The following PTPRR variants were observed in gnomAD, a reference collection of about 807,000 sequenced individuals.
PTPRR encodes the protein receptor-type tyrosine-protein phosphatase R.
Under a neutral mutation model 77.2 loss-of-function variants are expected in PTPRR, and 38 were observed. The observed-to-expected ratio is 0.49, with a 90% CI of 0.38 to 0.65. The LOEUF (loss-of-function observed/expected upper bound fraction) is 0.65. Among genes scored for constraint, PTPRR ranks in the 30% least tolerant of loss-of-function variants. The pLI is 0.00. For missense variants in PTPRR, 744 were observed against 799.2 expected (o/e 0.93, Z 0.83); for synonymous variants, 299 against 283.1 (o/e 1.06, Z -0.57).
chr12:70,765,218 T>A (rs1032056156), intron 2 of PTPRR, among the ~76,000 whole-genome samples: 5 of 152,198 alleles, frequency 3.3e-5, no homozygotes, highest in African/African-American at 1.2e-4. Context: ...ATTGCCTCAC[T>A]CGGGAAGTGC....
chr12:70,656,581 TA>T, intron 13 of PTPRR, 122 bp downstream of exon 13: 1 of 670,248 alleles, frequency 1.5e-6, no homozygotes, highest in Admixed American at 2.5e-5. Flanking sequence ...TTAAGCATTT[TA>T]CAAGCATCTC....
intron 2 of PTPRR, among the ~76,000 whole-genome samples, chr12:70,861,278 C>T (rs889272569): frequency 3.3e-5 from 5 of 152,088 alleles, no homozygotes; most frequent in African/African-American, 4.8e-5. Context: ...TATCTCATAG[C>T]ACAGTCTCTG....
chr12:70,658,090 C>A (rs771030297), intron 12 of PTPRR, among the ~76,000 whole-genome samples: 4 of 152,180 alleles, frequency 2.6e-5, no homozygotes, highest in Non-Finnish European at 5.9e-5. Context: ...CTTGCAAAAT[C>A]TGAATGTGAC....
chr12:70,847,661 A>G (rs543772246), intron 2 of PTPRR, among the ~76,000 whole-genome samples: 1 of 152,270 alleles, frequency 6.6e-6, no homozygotes, highest in Middle Eastern at 3.4e-3. Context: ...AAAAATGCCA[A>G]TTAATGGGAT....
At chr12:70,672,105 C>G (rs1463607168) in intron 10 of PTPRR, 2 of 1,390,066 alleles carry the variant, frequency 1.4e-6, no homozygotes, top group South Asian at 1.2e-5. Flanking sequence ...TCTATGCTCC[C>G]CAAAATGATG....
intron 1 of PTPRR, among the ~76,000 whole-genome samples, chr12:70,898,043 C>G: frequency 6.6e-6 from 1 of 151,440 alleles, no homozygotes; most frequent in African/African-American, 2.4e-5. Flanking sequence ...AGGAGATATA[C>G]CTAATGCTAA....
At chr12:70,782,581 T>A (rs1891226062) in intron 2 of PTPRR, among the ~76,000 whole-genome samples, 1 of 151,392 alleles carries the variant, frequency 6.6e-6, no homozygotes, top group South Asian at 2.1e-4. Context: ...CAGCAAACTA[T>A]CACAAGGACA....
chr12:70,641,878 A>C (rs983176512), intron 13 of PTPRR, among the ~76,000 whole-genome samples: 6 of 152,220 alleles, frequency 3.9e-5, no homozygotes, highest in Non-Finnish European at 5.9e-5. Flanking sequence ...GTCACACAAC[A>C]GCTCTCCAAA....
At chr12:70,729,489 C>T (rs1889579203) in intron 6 of PTPRR, among the ~76,000 whole-genome samples, 1 of 152,018 alleles carries the variant, frequency 6.6e-6, no homozygotes, top group South Asian at 2.1e-4. Flanking sequence ...ACAAAGTTTC[C>T]CTAGAGGACT....
chr12:70,689,093 G>A (rs1265303348), intron 8 of PTPRR, among the ~76,000 whole-genome samples: 1 of 152,012 alleles, frequency 6.6e-6, no homozygotes, highest in Non-Finnish European at 1.5e-5. Flanking sequence ...GGAGAAATAG[G>A]TTCTGGCGAT....
chr12:70,663,707 T>C (rs372379591), intron 10 of PTPRR, among the ~76,000 whole-genome samples: 11 of 152,296 alleles, frequency 7.2e-5, no homozygotes, highest in African/African-American at 2.4e-4. Context: ...ATGACAAATG[T>C]TTATGTTTTA....
At chr12:70,890,178 G>A (rs1389197019) in intron 2 of PTPRR, among the ~76,000 whole-genome samples, 1 of 152,036 alleles carries the variant, frequency 6.6e-6, no homozygotes, top group Non-Finnish European at 1.5e-5. Flanking sequence ...CTGACCTTGA[G>A]GCATTCAATA....
chr12:70,751,795 C>A (rs1278834875), intron 5 of PTPRR, among the ~76,000 whole-genome samples: 3 of 152,134 alleles, frequency 2.0e-5, no homozygotes, highest in Non-Finnish European at 2.9e-5. Context: ...TTATTAACAT[C>A]TTGCATTGGT....
intron 6 of PTPRR, among the ~76,000 whole-genome samples, chr12:70,733,638 C>T (rs1889764895): frequency 6.6e-6 from 1 of 152,098 alleles, no homozygotes; most frequent in African/African-American, 2.4e-5. Flanking sequence ...AGTGCTCTCT[C>T]CATGTTTAGA....
intron 2 of PTPRR, among the ~76,000 whole-genome samples, chr12:70,868,063 A>G (rs1296259562): frequency 6.6e-6 from 1 of 152,190 alleles, no homozygotes; most frequent in East Asian, 1.9e-4. Context: ...CTTACATGTT[A>G]GACCTAAAAC....
intron 2 of PTPRR, among the ~76,000 whole-genome samples, chr12:70,855,616 G>A (rs1892638281): frequency 6.6e-6 from 1 of 152,136 alleles, no homozygotes; most frequent in Non-Finnish European, 1.5e-5. Context: ...CCAACCTTGA[G>A]CAAGCTTCCT....
chr12:70,893,664 G>C (rs1380133296), intron 1 of PTPRR, among the ~76,000 whole-genome samples: 1 of 151,930 alleles, frequency 6.6e-6, no homozygotes, highest in African/African-American at 2.4e-5. Flanking sequence ...ATGTGATATG[G>C]CCTTCCTTTC....
At position 70,852,141 on chromosome 12, in the gene PTPRR, C is replaced by T. The variant is rs944026334; in HGVS notation, c.357+40538G>A. Among the ~76,000 whole-genome samples the T allele has an allele frequency of 6.6e-5, 10 of 152,206 alleles. No individual in the cohort carries two copies. The East Asian group carries it at 1.7e-3, about 26-fold the overall frequency. On this transcript the variant is annotated intron_variant, in intron 2 of 13. Transcript: ENST00000283228. Reference sequence around the variant, plus strand: ...AGGGTGTGCAGGAAATGAAATTTACCTGATGAGACCAGATGCTTTAAAAAT... The same window carrying T: ...AGGGTGTGCAGGAAATGAAATTTACTTGATGAGACCAGATGCTTTAAAAAT...
chr12:70,862,699 C>T (rs912030161), intron 2 of PTPRR, among the ~76,000 whole-genome samples: 16 of 151,428 alleles, frequency 1.1e-4, no homozygotes, highest in South Asian at 4.2e-4. Context: ...ATGTAACTAA[C>T]CTGCACATTG....
Sources: allele counts gnomAD v4.1 joint callset (sites outside exome capture counted in the v4.1 genomes callset), GRCh38; gene constraint gnomAD v4.1.1; transcripts MANE v1.5; gene names NCBI Gene and HGNC (gene_info 2026-07-23, HGNC 2026-07-21).